The following IMMP2L variants were observed in gnomAD, a reference collection of about 807,000 sequenced individuals.
IMMP2L encodes the protein mitochondrial inner membrane protease subunit 2.
In IMMP2L, 18 loss-of-function variants were observed where a neutral mutation model predicts 19.3. The observed-to-expected ratio is 0.93, with a 90% CI of 0.64 to 1.38. The LOEUF (loss-of-function observed/expected upper bound fraction) is 1.38. IMMP2L is among the 40% of genes most tolerant of loss of function. The probability of loss-of-function intolerance (pLI) is 0.00; values close to 1 mark genes in which losing one functional copy is unlikely to be tolerated. For missense variants in IMMP2L, 233 were observed against 218.2 expected, an observed-to-expected ratio of 1.07 and a Z score of -0.43; for synonymous variants, 76 against 73.0, an observed-to-expected ratio of 1.04 and a Z score of -0.21.
chr7:111,212,246 T>G (rs1811407473), intron 3 of IMMP2L, among the ~76,000 whole-genome samples: 1 of 152,120 alleles, frequency 6.6e-6, no homozygotes, highest in African/African-American at 2.4e-5. Flanking sequence ...ATCTGGAAGA[T>G]TTATTTTATA....
intron 1 of IMMP2L, among the ~76,000 whole-genome samples, chr7:111,543,639 C>T (rs1848669738): frequency 6.6e-6 from 1 of 152,040 alleles, no homozygotes; most frequent in South Asian, 2.1e-4. Context: ...AAATGTATAG[C>T]CTTTATATTT....
chr7:111,250,299 G>A (rs985759372), intron 3 of IMMP2L, among the ~76,000 whole-genome samples: 1 of 152,088 alleles, frequency 6.6e-6, no homozygotes. Context: ...TGGATAGGAA[G>A]AATCAATACC....
intron 3 of IMMP2L, among the ~76,000 whole-genome samples, chr7:111,162,016 A>C (rs967997443): frequency 1.3e-5 from 2 of 152,128 alleles, no homozygotes; most frequent in Non-Finnish European, 2.9e-5. Context: ...CTTGTGTTTA[A>C]TAACTGTTAG....
intron 3 of IMMP2L, among the ~76,000 whole-genome samples, chr7:111,441,350 C>G (rs997924373): frequency 2.0e-5 from 3 of 151,808 alleles, no homozygotes; most frequent in Admixed American, 2.0e-4. Flanking sequence ...TACTTGCACA[C>G]TTGCCATTGT....
chr7:110,724,605 A>G (rs1417825700), intron 5 of IMMP2L: 3 of 152,144 alleles, frequency 2.0e-5, no homozygotes, highest in Non-Finnish European at 4.4e-5. Flanking sequence ...AGGATAAGAG[A>G]AAATGTCTTC....
intron 3 of IMMP2L, among the ~76,000 whole-genome samples, chr7:111,241,130 G>C (rs372190612): frequency 6.6e-6 from 1 of 151,652 alleles, no homozygotes. Flanking sequence ...CTTAATTTAC[G>C]TTTAAATCTT....
At chr7:111,264,429 G>A (rs534315051) in intron 3 of IMMP2L, among the ~76,000 whole-genome samples, 2 of 152,152 alleles carry the variant, frequency 1.3e-5, no homozygotes, top group African/African-American at 4.8e-5. Context: ...TGGGAATTTT[G>A]TTTTATTTTA....
intron 1 of IMMP2L, among the ~76,000 whole-genome samples, chr7:111,554,802 C>T (rs561383818): frequency 9.2e-5 from 14 of 151,964 alleles, no homozygotes; most frequent in Admixed American, 7.9e-4. Flanking sequence ...TTAGTAGAGA[C>T]GGGGTTTTGC....
chr7:110,885,041 G>C (rs755033899), intron 5 of IMMP2L, among the ~76,000 whole-genome samples: 2 of 151,676 alleles, frequency 1.3e-5, no homozygotes, highest in Non-Finnish European at 2.9e-5. Flanking sequence ...AGAGACCACC[G>C]ACATTAAATT....
At chr7:111,059,311 AG>A (rs1228567568) in intron 3 of IMMP2L, among the ~76,000 whole-genome samples, 1 of 152,192 alleles carries the variant, frequency 6.6e-6, no homozygotes, top group African/African-American at 2.4e-5. Flanking sequence ...GTAGATAAGT[AG>A]GCAGTACCTT....
intron 5 of IMMP2L, among the ~76,000 whole-genome samples, chr7:110,850,565 T>C (rs572262142): frequency 6.6e-6 from 1 of 152,212 alleles, no homozygotes; most frequent in South Asian, 2.1e-4. Context: ...TACCATTCAA[T>C]TAAAGACTGC....
In IMMP2L at chr7:111,186,320, A is replaced by C. The variant is rs533609928; in HGVS notation, c.240-222755T>G. 4.6e-5 allele frequency among the ~76,000 whole-genome samples: 7 copies of C among 152,266 alleles called. No individual in the cohort carries two copies. In the South Asian group the frequency reaches 1.4e-3, roughly 32 times the overall value. On this transcript the variant is annotated intron_variant, in intron 3 of 5. Transcript: ENST00000405709. Reference sequence around the variant, plus strand: ...CAAATACAGTTATAGCCATGGGACTATTCATGTCCTTATGTCTACTTTGGC... The same window carrying C: ...CAAATACAGTTATAGCCATGGGACTCTTCATGTCCTTATGTCTACTTTGGC...
At chr7:111,539,033 T>C (rs1848163052) in intron 1 of IMMP2L, among the ~76,000 whole-genome samples, 1 of 149,586 alleles carries the variant, frequency 6.7e-6, no homozygotes, top group African/African-American at 2.5e-5. Flanking sequence ...AGCAGGAGAA[T>C]TGCTTGAACC....
intron 3 of IMMP2L, among the ~76,000 whole-genome samples, chr7:111,055,039 C>T (rs1234247748): frequency 4.7e-5 from 7 of 149,670 alleles, no homozygotes; most frequent in Non-Finnish European, 7.4e-5. Flanking sequence ...GGATTTGACA[C>T]GTTTCTTCCT....
chr7:111,433,053 C>A (rs1836796576), intron 3 of IMMP2L, among the ~76,000 whole-genome samples: 1 of 151,282 alleles, frequency 6.6e-6, no homozygotes, highest in African/African-American at 2.4e-5. Context: ...TATGAAGAAA[C>A]CTGACACTGG....
At chr7:111,162,792 A>C (rs1224547510) in intron 3 of IMMP2L, among the ~76,000 whole-genome samples, 2 of 151,946 alleles carry the variant, frequency 1.3e-5, no homozygotes, top group Non-Finnish European at 2.9e-5. Context: ...TGGTGGATAA[A>C]AACTGCAACC....
intron 3 of IMMP2L, among the ~76,000 whole-genome samples, chr7:110,980,249 T>C (rs886782492): frequency 2.0e-5 from 3 of 148,378 alleles, no homozygotes; most frequent in South Asian, 2.2e-4. Context: ...TTTTTTTTTT[T>C]AGGAGTCTCG....
chr7:111,264,554 T>A (rs771524282), intron 3 of IMMP2L, among the ~76,000 whole-genome samples: 1 of 151,954 alleles, frequency 6.6e-6, no homozygotes, highest in South Asian at 2.1e-4. Flanking sequence ...AATCTGTGAA[T>A]AGAGAATTTA....
At chr7:111,115,718 G>A (rs1586374021) in intron 3 of IMMP2L, among the ~76,000 whole-genome samples, 1 of 151,970 alleles carries the variant, frequency 6.6e-6, no homozygotes, top group East Asian at 1.9e-4. Flanking sequence ...TCAGGCTAGA[G>A]TGCAGCTGGC....
Sources: gnomAD v4.1 joint callset for allele counts (sites outside exome capture counted in the v4.1 genomes callset) on GRCh38, gnomAD v4.1.1 for gene constraint, MANE v1.5 for transcripts, NCBI Gene and HGNC (gene_info 2026-07-23, HGNC 2026-07-21) for gene names.